The following NGLY1 variants were observed in gnomAD, a reference collection of about 807,000 sequenced individuals.
NGLY1 encodes the protein N-glycanase 1.
Under a neutral mutation model 84.6 loss-of-function variants are expected in NGLY1, and 68 were observed. That is an observed-to-expected ratio of 0.80 (90% CI 0.66 to 0.98). The LOEUF is 0.98. Among genes scored for constraint, NGLY1 ranks in the 50% least tolerant of loss-of-function variants. The pLI is 0.00. For synonymous variants in NGLY1, 280 were observed against 275.2 expected, an observed-to-expected ratio of 1.02 and a Z score of -0.17; for missense variants, 779 against 770.2, an observed-to-expected ratio of 1.01 and a Z score of -0.14.
At chr3:25,741,692 A>T (rs892093583) in intron 4 of NGLY1, among the ~76,000 whole-genome samples, 6 of 152,160 alleles carry the variant, frequency 3.9e-5, no homozygotes, top group African/African-American at 1.4e-4. Context: ...TGTCTAACAA[A>T]GAAAAGATAA....
intron 3 of NGLY1, among the ~76,000 whole-genome samples, chr3:25,758,670 T>A (rs552154652): frequency 6.6e-6 from 1 of 152,210 alleles, no homozygotes; most frequent in African/African-American, 2.4e-5. Flanking sequence ...TATATTGCCG[T>A]AGTAGTACAT....
At chr3:25,735,956 A>C in intron 7 of NGLY1, 48 bp downstream of exon 7, 1 of 1,474,114 alleles carries the variant, frequency 6.8e-7, no homozygotes, top group East Asian at 2.4e-5. Context: ...ATAAAAGAAA[A>C]AAATATATTT....
chr3:25,751,232 A>G lies in NGLY1; in HGVS notation c.524T>C (p.Leu175Pro). 6.3e-7 allele frequency: 1 copy of G among 1,596,882 alleles called. No individual in the cohort carries two copies. The highest frequency in any genetic ancestry group is 8.5e-7 in the Non-Finnish European group (1 of 1,172,580). The part of the protein sequence containing the change: ...VAADSAILEV[L>P]QSNIQHVLVY... ...CAGCACATGCTGAATGTTGGACTGA[A>G]GAACTTCTAGAATGGCTGAGTCAGC... The change falls in exon 4 of 12, where the codon CTT becomes CCT. Residue 175 changes from leucine (L) to proline (P), a missense_variant. Physicochemically the swap from Leu to Pro is moderately conservative, Grantham distance 98 (BLOSUM62 -3). Coordinates refer to ENST00000280700, the MANE Select transcript of NGLY1 (RefSeq NM_018297.4).
At chr3:25,765,763 G>T (rs1461990054) in intron 2 of NGLY1, among the ~76,000 whole-genome samples, 2 of 152,094 alleles carry the variant, frequency 1.3e-5, no homozygotes, top group African/African-American at 2.4e-5. Flanking sequence ...CTGAGGCAGG[G>T]TCTCCCTCTG....
chr3:25,787,643 T>C (rs1002848316), upstream of NGLY1, among the ~76,000 whole-genome samples: 1 of 152,168 alleles, frequency 6.6e-6, no homozygotes, highest in African/African-American at 2.4e-5. Flanking sequence ...CCATGTCCTT[T>C]CTAGAGGAGT....
At chr3:25,771,136 A>C (rs1707874124) in intron 2 of NGLY1, among the ~76,000 whole-genome samples, 1 of 152,110 alleles carries the variant, frequency 6.6e-6, no homozygotes, top group Non-Finnish European at 1.5e-5. Flanking sequence ...TGTCTAGACT[A>C]GTTTTTCTGA....
At position 25,733,931 on chromosome 3, in the gene NGLY1, T is replaced by A. The variant is rs201337954; in HGVS notation, c.1201A>T (p.Arg401Ter). Reference protein sequence around the residue: ...YSCKHEEVIARRTKVKEALLR... With the variant: ...YSCKHEEVIA ...AATGCTTCTTTAACCTTAGTTCTTC[T>A]GGCAATCACCTCTTCATGTTTGCAG... The change falls in exon 8 of 12, where the codon AGA becomes TGA. Residue 401 changes from arginine to a stop codon, truncating the protein, a stop_gained. Coordinates refer to ENST00000280700, the MANE Select transcript of NGLY1 (RefSeq NM_018297.4). LOFTEE classifies it high-confidence loss of function. 4.0e-4 allele frequency: 644 copies of A among 1,613,840 alleles called. No homozygotes were observed. The highest frequency in any genetic ancestry group is 5.1e-4 in the Non-Finnish European group (606 of 1,179,902).
At chr3:25,758,625 T>C (rs2125533350) in intron 3 of NGLY1, among the ~76,000 whole-genome samples, 1 of 152,324 alleles carries the variant, frequency 6.6e-6, no homozygotes, top group South Asian at 2.1e-4. Context: ...ATTTACTATT[T>C]AGATCCTCTT....
At chr3:25,732,558 T>G in intron 8 of NGLY1, 75 bp from the exon 9 acceptor site, 2 of 1,026,202 alleles carry the variant, frequency 1.9e-6, no homozygotes, top group Non-Finnish European at 2.8e-6. Flanking sequence ...AAGAATATAC[T>G]TAAAACACTT....
intron 2 of NGLY1, among the ~76,000 whole-genome samples, chr3:25,775,090 C>T (rs1559558293): frequency 1.3e-5 from 2 of 152,248 alleles, no homozygotes; most frequent in African/African-American, 2.4e-5. Flanking sequence ...GGACTTTCCC[C>T]GTCACACTTC....
chr3:25,736,323 G>C, intron 6 of NGLY1, 174 bp from the exon 7 acceptor site: 1 of 1,551,374 alleles, frequency 6.4e-7, no homozygotes, highest in Non-Finnish European at 8.7e-7. Context: ...ATTAATTTCT[G>C]TCTCTTTGAA....
At chr3:25,754,629 G>C (rs1266658150) in intron 3 of NGLY1, among the ~76,000 whole-genome samples, 1 of 151,362 alleles carries the variant, frequency 6.6e-6, no homozygotes. Flanking sequence ...CAAGAGAGCT[G>C]GTGGTTTAAA....
At chr3:25,752,442 G>A (rs576514984) in intron 3 of NGLY1, among the ~76,000 whole-genome samples, 3 of 151,946 alleles carry the variant, frequency 2.0e-5, no homozygotes, top group South Asian at 2.1e-4. Context: ...GGCTGGTCTC[G>A]AACTCCTGAC....
At chr3:25,719,901 A>G (rs1175986051) in intron 11 of NGLY1, 113 bp downstream of exon 11, 1 of 903,640 alleles carries the variant, frequency 1.1e-6, no homozygotes, top group Non-Finnish European at 1.6e-6. Context: ...TTTTTACTGA[A>G]ATAGTATTAA....
intron 2 of NGLY1, among the ~76,000 whole-genome samples, chr3:25,764,927 T>C (rs1278631880): frequency 6.6e-6 from 1 of 152,130 alleles, no homozygotes; most frequent in Non-Finnish European, 1.5e-5. Context: ...AGGAAGGTAA[T>C]CCGAACAAAA....
chr3:25,762,025 CACT>C (rs1283638788), intron 3 of NGLY1, among the ~76,000 whole-genome samples: 4 of 152,084 alleles, frequency 2.6e-5, no homozygotes, highest in Non-Finnish European at 5.9e-5. Context: ...CAATCACCAC[CACT>C]ATCATCATTT....
At chr3:25,766,898 T>C (rs915676847) in intron 2 of NGLY1, among the ~76,000 whole-genome samples, 10 of 152,178 alleles carry the variant, frequency 6.6e-5, no homozygotes, top group Non-Finnish European at 1.2e-4. Context: ...GATATAATTA[T>C]GGCCAAAGTG....
At chr3:25,744,119 A>T (rs1399102941) in intron 4 of NGLY1, among the ~76,000 whole-genome samples, 1 of 152,262 alleles carries the variant, frequency 6.6e-6, no homozygotes, top group East Asian at 1.9e-4. Context: ...ACAAGTTTAG[A>T]CCTAACTCCA....
chr3:25,764,391 A>C, intron 2 of NGLY1, 80 bp from the exon 3 acceptor site: 1 of 1,388,528 alleles, frequency 7.2e-7, no homozygotes, highest in East Asian at 2.3e-5. Context: ...ACAGAAATGT[A>C]TAATGAAACC....
Sources: gnomAD v4.1 joint callset for allele counts (sites outside exome capture counted in the v4.1 genomes callset) on GRCh38, gnomAD v4.1.1 for gene constraint, MANE v1.5 for transcripts, NCBI Gene and HGNC (gene_info 2026-07-23, HGNC 2026-07-21) for gene names.